The following EML4 variants were observed in gnomAD, a reference collection of about 807,000 sequenced individuals.
EML4 encodes the protein EMAP like 4.
EML4 carries 72 observed loss-of-function variants against 129.0 expected under a neutral mutation model. That is an observed-to-expected ratio of 0.56 (90% confidence interval 0.46 to 0.68). The LOEUF is 0.68. Among genes scored for constraint, EML4 ranks in the 30% least tolerant of loss-of-function variants. The pLI is 0.00. For synonymous variants in EML4, 532 were observed against 405.0 expected (o/e 1.31, Z -3.77); for missense variants, 1,363 against 1,190.6 (o/e 1.14, Z -2.13).
chr2:42,230,916 G>A (rs1238610119), intron 1 of EML4, among the ~76,000 whole-genome samples: 1 of 152,180 alleles, frequency 6.6e-6, no homozygotes, highest in Non-Finnish European at 1.5e-5. Flanking sequence ...TCTGCTCCAT[G>A]TCCTTACGTG....
At chr2:42,224,280 A>G (rs1202807452) in intron 1 of EML4, among the ~76,000 whole-genome samples, 1 of 152,150 alleles carries the variant, frequency 6.6e-6, no homozygotes, top group Non-Finnish European at 1.5e-5. Flanking sequence ...TGTTCAGGAC[A>G]TTATGTAAAT....
intron 17 of EML4, among the ~76,000 whole-genome samples, chr2:42,311,538 C>G (rs557723076): frequency 2.3e-3 from 341 of 150,150 alleles, no homozygotes; most frequent in African/African-American, 7.8e-3. Flanking sequence ...GAGACCCTGT[C>G]TCAAAAAAAA....
chr2:42,295,653 A>G, intron 13 of EML4, 137 bp downstream of exon 13: 1 of 645,098 alleles, frequency 1.6e-6, no homozygotes, highest in Non-Finnish European at 2.5e-6. Flanking sequence ...TGTTTTCAGC[A>G]TTCTTCATAA....
intron 1 of EML4, among the ~76,000 whole-genome samples, chr2:42,244,801 A>G (rs892204726): frequency 6.6e-6 from 1 of 152,146 alleles, no homozygotes; most frequent in East Asian, 1.9e-4. Flanking sequence ...TTCTGTTTTC[A>G]TAGAGAACTG....
chr2:42,249,686 A>G (rs1675641096), intron 2 of EML4, among the ~76,000 whole-genome samples: 1 of 152,152 alleles, frequency 6.6e-6, no homozygotes, highest in Non-Finnish European at 1.5e-5. Flanking sequence ...ACCTTTAAAT[A>G]TATTTCGTTG....
chr2:42,182,236 C>T (rs551467619), intron 1 of EML4, among the ~76,000 whole-genome samples: 2 of 150,470 alleles, frequency 1.3e-5, no homozygotes, highest in Non-Finnish European at 3.0e-5. Flanking sequence ...TATACATGTG[C>T]CATGCTGGTG....
At chr2:42,179,929 C>T (rs1670833480) in intron 1 of EML4, among the ~76,000 whole-genome samples, 1 of 152,032 alleles carries the variant, frequency 6.6e-6, no homozygotes, top group Non-Finnish European at 1.5e-5. Context: ...CACACAGATA[C>T]GTGTACATAT....
intron 1 of EML4, among the ~76,000 whole-genome samples, chr2:42,219,580 T>C (rs1253660104): frequency 1.3e-5 from 2 of 152,194 alleles, no homozygotes; most frequent in Non-Finnish European, 2.9e-5. Context: ...AAAAAGTTTA[T>C]GTATGTGGTT....
intron 1 of EML4, among the ~76,000 whole-genome samples, chr2:42,176,130 T>C (rs1435837520): frequency 6.6e-6 from 1 of 152,212 alleles, no homozygotes; most frequent in Non-Finnish European, 1.5e-5. Context: ...TCAGCTTCTT[T>C]TCCTTATTTC....
intron 6 of EML4, among the ~76,000 whole-genome samples, chr2:42,277,722 C>T (rs982004918): frequency 1.3e-5 from 2 of 152,088 alleles, no homozygotes; most frequent in Non-Finnish European, 2.9e-5. Flanking sequence ...ACATGTACCA[C>T]CACACCCAGC....
At chr2:42,210,820 C>T (rs1672845999) in intron 1 of EML4, among the ~76,000 whole-genome samples, 1 of 152,236 alleles carries the variant, frequency 6.6e-6, no homozygotes, top group South Asian at 2.1e-4. Flanking sequence ...TTGAGAACTT[C>T]CTTACTTTCT....
At chr2:42,222,031 C>A (rs929124922) in intron 1 of EML4, among the ~76,000 whole-genome samples, 6 of 151,984 alleles carry the variant, frequency 3.9e-5, no homozygotes, top group Admixed American at 1.3e-4. Flanking sequence ...CTGCACCTGG[C>A]CTAAAGTTGT....
chr2:42,204,095 T>A (rs965729402), intron 1 of EML4, among the ~76,000 whole-genome samples: 1 of 152,090 alleles, frequency 6.6e-6, no homozygotes, highest in Non-Finnish European at 1.5e-5. Flanking sequence ...AATTTTTAAA[T>A]TTTTTAATAG....
chr2:42,218,246 A>T (rs1338077988), intron 1 of EML4, among the ~76,000 whole-genome samples: 1 of 151,996 alleles, frequency 6.6e-6, no homozygotes, highest in African/African-American at 2.4e-5. Context: ...CTCACTCCTT[A>T]TGAGAATCTA....
At chr2:42,280,103 C>T (rs1444425153) in intron 6 of EML4, among the ~76,000 whole-genome samples, 3 of 151,954 alleles carry the variant, frequency 2.0e-5, no homozygotes, top group Admixed American at 6.6e-5. Flanking sequence ...AAAGTTATGC[C>T]GTTTAACATC....
chr2:42,256,581 A>G lies in EML4; in HGVS notation c.289A>G (p.Ser97Gly). 6.2e-7 allele frequency: 1 copy of G among 1,614,022 alleles called. No homozygotes were observed. The highest frequency in any genetic ancestry group is 1.1e-5 in the South Asian group (1 of 91,070). Residue 97 changes from serine (S) to glycine (G), a missense_variant, in exon 3 of 23, where the codon AGT becomes GGT. Physicochemically the swap from Ser to Gly is moderately conservative, Grantham distance 56. Coordinates refer to ENST00000318522, the MANE Select transcript of EML4 (RefSeq NM_019063.5). ...TGCAAACAGAAAACCAAGTCATACC[A>G]GTGCTGTCTCAATTGCAGGAAAAGA... ...SGANRKPSHT[S>G]AVSIAGKETL...
At chr2:42,171,804 T>A (rs2103780739) in intron 1 of EML4, among the ~76,000 whole-genome samples, 1 of 152,310 alleles carries the variant, frequency 6.6e-6, no homozygotes, top group South Asian at 2.1e-4. Context: ...CTGTGCTTTC[T>A]CTTTCTGTCC....
intron 19 of EML4, among the ~76,000 whole-genome samples, chr2:42,318,756 T>C (rs1194699064): frequency 6.6e-6 from 1 of 152,158 alleles, no homozygotes; most frequent in Non-Finnish European, 1.5e-5. Flanking sequence ...AGACAGGGTC[T>C]TACTCTGTCA....
intron 1 of EML4, among the ~76,000 whole-genome samples, chr2:42,201,550 T>C (rs1672235232): frequency 1.3e-5 from 2 of 152,306 alleles, no homozygotes; most frequent in South Asian, 4.2e-4. Context: ...GCCTGCACTC[T>C]CATGTTCATT....
Sources: allele counts gnomAD v4.1 joint callset (sites outside exome capture counted in the v4.1 genomes callset), GRCh38; gene constraint gnomAD v4.1.1; transcripts MANE v1.5; gene names NCBI Gene and HGNC (gene_info 2026-07-23, HGNC 2026-07-21).